ZNF518A: variants seen among roughly 807,000 people sequenced by gnomAD.
The protein encoded by ZNF518A is zinc finger protein 518.
Under a neutral mutation model 102.7 loss-of-function variants are expected in ZNF518A, and 47 were observed. That is an observed-to-expected ratio of 0.46 (90% confidence interval 0.36 to 0.58). The LOEUF is 0.58. ZNF518A is among the 20% of genes least tolerant of loss of function. ZNF518A has a pLI of 0.00. For synonymous variants in ZNF518A, 652 were observed against 594.6 expected (o/e 1.10, Z -1.40); for missense variants, 1,793 against 1,699.8 (o/e 1.05, Z -0.96).
chr10:96,156,355 T>C lies in ZNF518A; in HGVS notation c.33T>C (p.Asp11=), dbSNP rs1291406829. The C allele has an allele frequency of 4.4e-6, 7 of 1,584,804 alleles. No individual in the cohort carries two copies. Among genetic ancestry groups the C allele is most frequent in the Non-Finnish European group, 6.0e-6 (7 of 1,171,286 alleles). The change falls in exon 6 of 6, where the codon GAT becomes GAC. Residue 11 remains aspartate, a synonymous_variant. Transcript: ENST00000316045. MPSEQKQLFC[D]EKQTTLKKDY... is the part of the protein sequence containing the mutation. Reference sequence around the variant, plus strand: ...CTGAACAGAAACAGTTATTTTGTGATGAAAAACAAACTACTTTAAAAAAAG... The same window carrying C: ...CTGAACAGAAACAGTTATTTTGTGACGAAAAACAAACTACTTTAAAAAAAG...
intron 1 of ZNF518A, among the ~76,000 whole-genome samples, chr10:96,178,129 C>T (rs915883046): frequency 2.0e-5 from 3 of 152,232 alleles, no homozygotes; most frequent in African/African-American, 7.2e-5. Context: ...TCAACTTGAA[C>T]TAAATGATTT....
rs1428456262 is a variant in ZNF518A, at chr10:96,157,348, A to C, written c.1026A>C (p.Glu342Asp). 6.2e-7 allele frequency: 1 copy of C among 1,610,964 alleles called. No individual in the cohort carries two copies. Among genetic ancestry groups the C allele is most frequent in the African/African-American group, 1.3e-5 (1 of 74,876 alleles). Reference protein sequence around the residue: ...KINSGSDRSIEKNTQVLKKMN... With the variant: ...KINSGSDRSIDKNTQVLKKMN... ...ACAGTGGAAGTGACAGAAGTATAGAAAAGAACACTCAAGTGCTTAAGAAAA... is the reference window on the plus strand; with the variant it reads ...ACAGTGGAAGTGACAGAAGTATAGACAAGAACACTCAAGTGCTTAAGAAAA... Residue 342 changes from glutamate (E) to aspartate (D), a missense_variant, in exon 6 of 6, where the codon GAA (glutamate) becomes GAC (aspartate). Around this residue, in one of 3 missense-constraint regions of ZNF518A, gnomAD observed 1,741 missense variants for 1,622.6 expected, o/e 1.07. Transcript: ENST00000316045.
At chr10:96,132,413 A>G (rs587652110) in intron 1 of ZNF518A, among the ~76,000 whole-genome samples, 173 bp from the exon 2 acceptor site, 2 of 151,690 alleles carry the variant, frequency 1.3e-5, no homozygotes, top group Admixed American at 1.3e-4. Flanking sequence ...GACTTTTGCA[A>G]ATTTGTGACA....
intron 1 of ZNF518A, chr10:96,191,749 A>C: frequency 2.0e-6 from 1 of 495,458 alleles, no homozygotes; most frequent in Non-Finnish European, 3.6e-6. Flanking sequence ...TAGCATGATA[A>C]CTCAACCTCA....
chr10:96,148,168 G>A (rs2082256261), intron 3 of ZNF518A, among the ~76,000 whole-genome samples: 1 of 152,032 alleles, frequency 6.6e-6, no homozygotes, highest in Non-Finnish European at 1.5e-5. Context: ...GGCCGGGCGC[G>A]GTGGCTCACG....
intron 1 of ZNF518A, among the ~76,000 whole-genome samples, chr10:96,177,199 A>G (rs1172516086): frequency 6.6e-6 from 1 of 152,232 alleles, no homozygotes; most frequent in Non-Finnish European, 1.5e-5. Flanking sequence ...GCAGACTTAC[A>G]TCAGAAACTA....
intron 1 of ZNF518A, among the ~76,000 whole-genome samples, chr10:96,185,096 CT>C (rs2083263186): frequency 6.6e-6 from 1 of 152,198 alleles, no homozygotes; most frequent in African/African-American, 2.4e-5. Context: ...ATCGAATCAG[CT>C]GCTGAAGGCT....
In ZNF518A at chr10:96,160,292, A is replaced by G; in HGVS notation, c.3970A>G (p.Ile1324Val). 1 of 1,613,662 alleles carries G rather than the reference A, an allele frequency of 6.2e-7. No homozygotes were observed. Among genetic ancestry groups the G allele is most frequent in the Non-Finnish European group, 8.5e-7 (1 of 1,179,690 alleles). ...CAGACCTAGGCTTTCAAAAGATTCC[A>G]TCAGAACTTTGCGGCTTTTCCCTTT... ...FSRPRLSKDS[I>V]RTLRLFPFSS... The change falls in exon 6 of 6, where the codon ATC becomes GTC. Residue 1324 changes from isoleucine to valine, a missense_variant. Ile to Val is a conservative substitution (Grantham distance 29). Coordinates refer to ENST00000316045, the MANE Select transcript of ZNF518A (RefSeq NM_001330736.2).
At chr10:96,144,811 T>G (rs2133402383) in intron 3 of ZNF518A, among the ~76,000 whole-genome samples, 1 of 151,064 alleles carries the variant, frequency 6.6e-6, no homozygotes, top group African/African-American at 2.4e-5. Flanking sequence ...CTGTTACAGA[T>G]AGCAAAAAAA....
chr10:96,192,171 T>A (rs145030645), intron 1 of ZNF518A: 2 of 1,577,962 alleles, frequency 1.3e-6, no homozygotes, highest in African/African-American at 2.7e-5. Context: ...TCTTCTCTCA[T>A]TCTCAAGTTA....
chr10:96,137,776 C>T (rs1481964405), intron 3 of ZNF518A, among the ~76,000 whole-genome samples: 1 of 152,172 alleles, frequency 6.6e-6, no homozygotes, highest in Non-Finnish European at 1.5e-5. Context: ...CTTGAAAGTA[C>T]ATATGTACAT....
chr10:96,178,657 A>G (rs1255522890), intron 1 of ZNF518A, among the ~76,000 whole-genome samples: 4 of 152,056 alleles, frequency 2.6e-5, no homozygotes, highest in African/African-American at 7.2e-5. Flanking sequence ...AATTAATGAA[A>G]TGAAAACTTG....
chr10:96,177,888 C>T (rs2083215272), intron 1 of ZNF518A, among the ~76,000 whole-genome samples: 1 of 151,990 alleles, frequency 6.6e-6, no homozygotes, highest in Non-Finnish European at 1.5e-5. Context: ...AAAAGAAATA[C>T]CTCAATGATA....
At chr10:96,199,415 CA>C in intron 1 of ZNF518A, 1 of 386,414 alleles carries the variant, frequency 2.6e-6, no homozygotes, top group Non-Finnish European at 5.3e-6. Context: ...CACATTGATC[CA>C]AAATAGCCTG....
chr10:96,184,458 T>C (rs2083258973), intron 1 of ZNF518A, among the ~76,000 whole-genome samples: 2 of 152,250 alleles, frequency 1.3e-5, no homozygotes, highest in African/African-American at 4.8e-5. Flanking sequence ...CCTTTCCATG[T>C]TTAGTGCTTC....
At chr10:96,199,506 G>A in intron 1 of ZNF518A, 1 of 462,728 alleles carries the variant, frequency 2.2e-6, no homozygotes, top group Non-Finnish European at 4.4e-6. Context: ...GTCTCCCACT[G>A]TTTGGAGGGC....
intron 3 of ZNF518A, among the ~76,000 whole-genome samples, chr10:96,147,173 T>G (rs977571169): frequency 1.3e-5 from 2 of 152,202 alleles, no homozygotes; most frequent in African/African-American, 4.8e-5. Flanking sequence ...CATCATGAGT[T>G]TATGTCAATA....
chr10:96,156,723 A>C lies in ZNF518A; in HGVS notation c.401A>C (p.Asp134Ala). Residue 134 changes from aspartate (D) to alanine (A), a missense_variant, in exon 6 of 6, where the codon GAT (aspartate) becomes GCT (alanine). Transcript: ENST00000316045. ...CRDNTRYSPNDLQKHFQMWHH... is the reference protein window; with the variant it reads ...CRDNTRYSPNALQKHFQMWHH... ...GACAACACTCGATATAGCCCAAATG[A>C]TTTGCAGAAACACTTTCAAATGTGG... The C allele has an allele frequency of 6.2e-7, 1 of 1,613,924 alleles. No homozygotes were observed. Among genetic ancestry groups the C allele is most frequent in the Non-Finnish European group, 8.5e-7 (1 of 1,179,804 alleles).
chr10:96,149,796 T>C (rs181767127), intron 3 of ZNF518A, among the ~76,000 whole-genome samples: 8 of 152,290 alleles, frequency 5.3e-5, no homozygotes, highest in Admixed American at 3.3e-4. Flanking sequence ...CATCCAGTCT[T>C]TTCTGCTTTT....
Sources: gnomAD v4.1 joint callset for allele counts (sites outside exome capture counted in the v4.1 genomes callset) on GRCh38, gnomAD v4.1.1 for gene constraint, gnomAD v4.1.1 regional missense constraint, MANE v1.5 for transcripts, NCBI Gene and HGNC (gene_info 2026-07-23, HGNC 2026-07-21) for gene names.